QRICH2: variants seen among roughly 807,000 people sequenced by gnomAD.
QRICH2 encodes the protein glutamine-rich protein 2.
QRICH2 carries 119 observed loss-of-function variants against 168.3 expected under a neutral mutation model. The ratio of observed to expected loss-of-function variants is 0.71; its 90% CI spans 0.61 to 0.82. QRICH2 has a LOEUF of 0.82. QRICH2 is among the 40% of genes least tolerant of loss of function. QRICH2 has a pLI of 0.00. For missense variants in QRICH2, 2,241 were observed against 2,491.6 expected, an observed-to-expected ratio of 0.90 and a Z score of 2.14; for synonymous variants, 894 against 951.2, an observed-to-expected ratio of 0.94 and a Z score of 1.11.
At position 76,279,388 on chromosome 17, in the gene QRICH2, G is replaced by T. The variant is rs779404822; in HGVS notation, c.4789C>A (p.Pro1597Thr). 2 of 1,613,022 alleles carry T rather than the reference G, an allele frequency of 1.2e-6. No individual in the cohort carries two copies. The highest frequency in any genetic ancestry group is 2.7e-5 in the African/African-American group (2 of 74,936). Residue 1597 changes from proline (P) to threonine (T), a missense_variant, in exon 13 of 19, where the codon CCC (proline) becomes ACC (threonine). Around this residue, in one of 3 missense-constraint regions of QRICH2, gnomAD observed 2,047 missense variants for 2,303.8 expected, o/e 0.89. Coordinates refer to ENST00000680821, the MANE Select transcript of QRICH2 (RefSeq NM_001388453.1). ...AHFHCLSCDR[P>T]LETPVTGHAI... ...TGTCCAGTCACAGGTGTCTCCAAGG[G>T]CCGGTCACATGAGAGGCAGTGGAAA...
intron 3 of QRICH2, among the ~76,000 whole-genome samples, chr17:76,300,626 TGAGTA>T (rs1451484494): frequency 6.6e-6 from 1 of 152,138 alleles, no homozygotes; most frequent in African/African-American, 2.4e-5. Flanking sequence ...GCCTGCATCA[TGAGTA>T]GAGGGCCAGG....
In QRICH2 at chr17:76,303,766, T is replaced by C. The variant is rs548200170; in HGVS notation, c.705+649A>G. 4.0e-5 allele frequency among the ~76,000 whole-genome samples: 6 copies of C among 148,852 alleles called. No individual in the cohort carries two copies. The East Asian group carries it at 1.2e-3, about 30-fold the overall frequency. On this transcript the variant is annotated intron_variant, in intron 3 of 18. Coordinates refer to ENST00000680821, the MANE Select transcript of QRICH2 (RefSeq NM_001388453.1). ...TGGGCGCCTGTAGTCCCAGCTACTC[T>C]GGAGGCTGAGACAGGAGAATGGCGT... is the stretch of plus-strand genomic sequence containing the variant.
rs527656341 is a variant in QRICH2 at position 76,277,267 on chromosome 17, G to A, written c.5161C>T (p.Arg1721Cys). ...GTGAGGGTGTGGCTGCCCCCGCAGC[G>A]CCGGGGCACAGTTGAGTAGGTGTAA... ...ADYTYSTVPRRCGGSHTLTYP... is the reference protein window; with the variant it reads ...ADYTYSTVPRCCGGSHTLTYP... Residue 1721 changes from arginine to cysteine, a missense_variant, in exon 16 of 19, where the codon CGC (arginine) becomes TGC (cysteine). Arg to Cys is a radical substitution (Grantham distance 180). Around this residue, in one of 3 missense-constraint regions of QRICH2, gnomAD observed 2,047 missense variants for 2,303.8 expected, o/e 0.89. Coordinates refer to ENST00000680821, the MANE Select transcript of QRICH2 (RefSeq NM_001388453.1). 14 of 1,602,454 alleles carry A rather than the reference G, an allele frequency of 8.7e-6. No individual in the cohort carries two copies. Among genetic ancestry groups the A allele is most frequent in the East Asian group, 2.3e-5 (1 of 44,194 alleles).
At chr17:76,287,634 C>G (rs894909958) in intron 6 of QRICH2, among the ~76,000 whole-genome samples, 166 bp downstream of exon 6, 3 of 152,178 alleles carry the variant, frequency 2.0e-5, no homozygotes, top group Non-Finnish European at 4.4e-5. Context: ...TGGGGAACTT[C>G]TACCAGTTCC....
Position 76,307,825 on chromosome 17 carries a change from G to T in QRICH2, c.174C>A (p.Ser58Arg). The change falls in exon 1 of 19, where the codon AGC (serine) becomes AGA (arginine). Residue 58 changes from serine (S) to arginine (R), a missense_variant. By Grantham distance (110) the Ser-to-Arg change is moderately radical. This residue lies in a region of QRICH2 where 2,047 missense variants were observed against 2,303.8 expected (regional missense o/e 0.89). Transcript: ENST00000680821. This position sits in a 1 kb window ranked among gnomAD's most constrained non-coding sequence, Gnocchi z 5.3. ...IDFQPSSPEPSRSLQSVRSSF... is the reference protein window; with the variant it reads ...IDFQPSSPEPRRSLQSVRSSF... ...AGCTCCGGACGGACTGCAGCGAGCGGCTGGGCTCGGGCGACGAGGGCTGGA... is the reference window on the plus strand; with the variant it reads ...AGCTCCGGACGGACTGCAGCGAGCGTCTGGGCTCGGGCGACGAGGGCTGGA... The T allele has an allele frequency of 7.7e-7, 1 of 1,292,710 alleles. No individual in the cohort carries two copies. The highest frequency in any genetic ancestry group is 9.8e-7 in the Non-Finnish European group (1 of 1,022,582). 80.1% of individuals were successfully genotyped at this position (1,292,710 alleles called of 1,614,324 possible).
Position 76,291,064 on chromosome 17 carries a change from C to G in QRICH2, c.3663G>C (p.Gln1221His), listed in dbSNP as rs8182276. The G allele has an allele frequency of 1.9e-6, 3 of 1,614,176 alleles. No homozygotes were observed. Among genetic ancestry groups the G allele is most frequent in the South Asian group, 1.1e-5 (1 of 91,086 alleles). ...TCTTCTCCAAGTCGGTTTGGCCGGC[C>G]TGCTCCTCATCCAGATCCTTCATAC... ...KESMKDLDEE[Q>H]AGQTDLEKIQ... Residue 1221 changes from glutamine to histidine, a missense_variant, in exon 4 of 19, where the codon CAG (glutamine) becomes CAC (histidine). By Grantham distance (24) the Gln-to-His change is conservative. Transcript: ENST00000680821.
In QRICH2 at chr17:76,307,750, C is replaced by T; in HGVS notation, c.249G>A (p.Ala83=). 1 of 1,380,078 alleles carries T rather than the reference C, an allele frequency of 7.2e-7. No individual in the cohort carries two copies. The highest frequency in any genetic ancestry group is 9.3e-7 in the Non-Finnish European group (1 of 1,070,538). 85.5% of individuals were successfully genotyped at this position (1,380,078 alleles called of 1,614,324 possible). A position where few individuals can be genotyped will look rare whatever the true frequency, so the allele number is the denominator to read the frequency against. ...CCACGCCCCTGCGCTTCTCCCGGGG[C>T]GCCCCCTTGGGCACCTCCTTGGGCG... ...LPAPKEVPKG[A]PREKRRGVGQ... Residue 83 remains alanine, a synonymous_variant, in exon 1 of 19, where the codon GCG becomes GCA. Transcript: ENST00000680821. This position sits in a 1 kb window ranked among gnomAD's most constrained non-coding sequence, Gnocchi z 5.3.
chr17:76,304,827 TGA>T, intron 2 of QRICH2, 53 bp downstream of exon 2: 4 of 1,281,662 alleles, frequency 3.1e-6, no homozygotes, highest in Admixed American at 1.7e-5. Flanking sequence ...AGGGCCACAC[TGA>T]GAGACGGCCA....
rs757438651 is a variant in QRICH2, at chr17:76,287,863, C to A, written c.3833G>T (p.Gly1278Val). The A allele has an allele frequency of 6.2e-7, 1 of 1,614,070 alleles. No individual in the cohort carries two copies. The highest frequency in any genetic ancestry group is 2.2e-5 in the East Asian group (1 of 44,868). ...CAGTTCCTTCCCTGCTTCTTGATTCCCTTCCCCTTCCAGGATCCTCTGCAG... is the reference window on the plus strand; with the variant it reads ...CAGTTCCTTCCCTGCTTCTTGATTCACTTCCCCTTCCAGGATCCTCTGCAG... ...ERLQRILEGE[G>V]NQEAGKELKA... The change falls in exon 6 of 19, where the codon GGG becomes GTG. Residue 1278 changes from glycine to valine, a missense_variant. Around this residue, in one of 3 missense-constraint regions of QRICH2, gnomAD observed 2,047 missense variants for 2,303.8 expected, o/e 0.89. Transcript: ENST00000680821.
intron 7 of QRICH2, among the ~76,000 whole-genome samples, chr17:76,283,817 T>C (rs2070831538): frequency 7.1e-6 from 1 of 140,528 alleles, no homozygotes; most frequent in African/African-American, 3.2e-5. Context: ...GAGGTTGCAG[T>C]GAGCTGAAAT....
In QRICH2 at chr17:76,281,229, G is replaced by A. The variant is rs1445726298; in HGVS notation, c.4264-276C>T. 6.6e-6 allele frequency among the ~76,000 whole-genome samples: 1 copy of A among 152,188 alleles called. No individual in the cohort carries two copies. The highest frequency in any genetic ancestry group is 6.5e-5 in the Admixed American group (1 of 15,278). On this transcript the variant is annotated intron_variant, in intron 8 of 18. Coordinates refer to ENST00000680821, the MANE Select transcript of QRICH2 (RefSeq NM_001388453.1). The surrounding 1 kb of genome is among the most constrained non-coding windows in gnomAD (Gnocchi z 4.4). ...CCACTAACAGTGCGGGAGGCCCTCT[G>A]TCTGCCCTTTCTGGGTGTCCACCCC...
rs149174648 is a variant in QRICH2, at chr17:76,277,266, C to G, written c.5162G>C (p.Arg1721Pro). Residue 1721 changes from arginine (R) to proline (P), a missense_variant, in exon 16 of 19, where the codon CGC becomes CCC. By Grantham distance (103) the Arg-to-Pro change is moderately radical. Transcript: ENST00000680821. Reference protein sequence around the residue: ...ADYTYSTVPRRCGGSHTLTYP... With the variant: ...ADYTYSTVPRPCGGSHTLTYP... ...GGTGAGGGTGTGGCTGCCCCCGCAGCGCCGGGGCACAGTTGAGTAGGTGTA... is the reference window on the plus strand; with the variant it reads ...GGTGAGGGTGTGGCTGCCCCCGCAGGGCCGGGGCACAGTTGAGTAGGTGTA... 6.2e-7 allele frequency: 1 copy of G among 1,601,116 alleles called. No individual in the cohort carries two copies. The highest frequency in any genetic ancestry group is 2.3e-5 in the East Asian group (1 of 44,108).
In QRICH2 at chr17:76,288,333, G is replaced by A. The variant is rs998434156; in HGVS notation, c.3799-436C>T. ...TAGGAGGCAGAGGTTGCAGTGAGGC[G>A]AGATTGTGCCACTGCACTCCAGCCT... is the stretch of plus-strand genomic sequence containing the variant. On this transcript the variant is annotated intron_variant, in intron 5 of 18. Transcript: ENST00000680821. Among the ~76,000 whole-genome samples the A allele has an allele frequency of 3.4e-5, 5 of 145,558 alleles. No homozygotes were observed. The East Asian group carries it at 6.1e-4, about 18-fold the overall frequency.
intron 4 of QRICH2, 49 bp from the exon 5 acceptor site, chr17:76,290,126 G>A: frequency 7.3e-7 from 1 of 1,376,522 alleles, no homozygotes; most frequent in South Asian, 1.2e-5. Flanking sequence ...TCTCTAGTGG[G>A]CTCCCAATCT....
Position 76,308,173 on chromosome 17 carries a change from C to T in QRICH2, c.-175G>A, listed in dbSNP as rs527565544. On this transcript the variant is annotated 5_prime_UTR_variant, in exon 1 of 19. Transcript: ENST00000680821. The stretch of plus-strand genomic sequence containing the variant: ...TGCCTCCAGGGAATCTGCGCCTCCG[C>T]TCCCCGGCGGGGTCCGCGATGGCCA... 1 of 985,316 alleles carries T rather than the reference C, an allele frequency of 1.0e-6. No individual in the cohort carries two copies. The highest frequency in any genetic ancestry group is 4.7e-5 in the South Asian group (1 of 21,292). 61.0% of individuals were successfully genotyped at this position (985,316 alleles called of 1,614,324 possible). A position where few individuals can be genotyped will look rare whatever the true frequency, so the allele number is the denominator to read the frequency against.
chr17:76,300,510 G>C (rs2143374181), intron 3 of QRICH2, among the ~76,000 whole-genome samples: 1 of 152,222 alleles, frequency 6.6e-6, no homozygotes, highest in South Asian at 2.1e-4. Flanking sequence ...TGCATGGTTG[G>C]TAGAGTCCTT....
chr17:76,276,939 C>T (rs773864340), intron 16 of QRICH2, among the ~76,000 whole-genome samples, 172 bp from the exon 17 acceptor site: 13 of 152,320 alleles, frequency 8.5e-5, no homozygotes, highest in Admixed American at 3.3e-4. Flanking sequence ...ATCTGGGCCA[C>T]GGTGGGAGGC....
In QRICH2 at chr17:76,293,027, T is replaced by C. The variant is rs746803983; in HGVS notation, c.1700A>G (p.Gln567Arg). ...TCTGCCAGACTGGATCAAATCATGC[T>C]GCTCTGTGCCAGGTTGTATGAAGCC... The part of the protein sequence containing the change: ...ATGFIQPGTE[Q>R]HDLIQSGRFQ... Residue 567 changes from glutamine to arginine, a missense_variant, in exon 4 of 19, where the codon CAG becomes CGG. Physicochemically the swap from Gln to Arg is conservative, Grantham distance 43. Around this residue, in one of 3 missense-constraint regions of QRICH2, gnomAD observed 2,047 missense variants for 2,303.8 expected, o/e 0.89. Coordinates refer to ENST00000680821, the MANE Select transcript of QRICH2 (RefSeq NM_001388453.1). The C allele has an allele frequency of 1.9e-6, 3 of 1,614,262 alleles. No homozygotes were observed. The Admixed American group carries it at 5.0e-5, about 27-fold the overall frequency.
chr17:76,293,550 C>T lies in QRICH2; in HGVS notation c.1177G>A (p.Glu393Lys). ...VHLRPDRRGL[E>K]PTGMNQPGLV... ...CCAGGCTGATTCATGCCAGTTGGTT[C>T]TAACCCACGACGATCTGGCCTTAGA... Residue 393 changes from glutamate (E) to lysine (K), a missense_variant, in exon 4 of 19, where the codon GAA (glutamate) becomes AAA (lysine). Coordinates refer to ENST00000680821, the MANE Select transcript of QRICH2 (RefSeq NM_001388453.1). The T allele has an allele frequency of 6.2e-7, 1 of 1,614,232 alleles. No homozygotes were observed. Among genetic ancestry groups the T allele is most frequent in the Non-Finnish European group, 8.5e-7 (1 of 1,180,044 alleles).
Sources: allele counts gnomAD v4.1 joint callset (sites outside exome capture counted in the v4.1 genomes callset), GRCh38; gene constraint gnomAD v4.1.1; regional missense constraint gnomAD v4.1.1; non-coding constraint Gnocchi (gnomAD v3.1); transcripts MANE v1.5; gene names NCBI Gene and HGNC (gene_info 2026-07-23, HGNC 2026-07-21).